The following TEX9 variants were observed in gnomAD, a reference collection of about 807,000 sequenced individuals.
TEX9 encodes the protein testis expressed 9.
TEX9 carries 74 observed loss-of-function variants against 59.6 expected under a neutral mutation model. The ratio of observed to expected loss-of-function variants is 1.24; its 90% CI spans 1.03 to 1.51. TEX9 has a LOEUF of 1.51. TEX9 is among the 40% of genes most tolerant of loss of function. TEX9 has a pLI of 0.00. For synonymous variants in TEX9, 186 were observed against 152.2 expected (o/e 1.22, Z -1.64); for missense variants, 522 against 447.8 (o/e 1.17, Z -1.49).
chr15:56,440,573 T>A lies in TEX9; in HGVS notation c.*30-5098T>A, dbSNP rs140880019. Among the ~76,000 whole-genome samples the A allele has an allele frequency of 4.3e-4, 66 of 152,284 alleles. 1 individual carries two copies. In the East Asian group the frequency reaches 0.012, roughly 27 times the overall value. ...AATATTGGAAGCATTCCAAATGCCC[T>A]TTAATGGGCAAATGGTCAAATAAAA... On this transcript the variant is annotated intron_variant, in intron 12 of 12. Coordinates refer to ENST00000352903, the Ensembl canonical transcript of TEX9.
chr15:56,447,007 A>T (rs1416131668), downstream of TEX9: 2 of 1,095,388 alleles, frequency 1.8e-6, no homozygotes, highest in African/African-American at 3.1e-5. Context: ...ACCTCACAGA[A>T]AACTGAGTAA....
intron 1 of TEX9, among the ~76,000 whole-genome samples, chr15:56,311,730 C>T (rs1330778845): frequency 4.9e-5 from 7 of 143,334 alleles, no homozygotes; most frequent in Non-Finnish European, 7.7e-5. Flanking sequence ...CTGACTTCCA[C>T]AATGGTTGAA....
At chr15:56,407,785 T>A (rs2049150043) in intron 9 of TEX9, among the ~76,000 whole-genome samples, 1 of 152,172 alleles carries the variant, frequency 6.6e-6, no homozygotes, top group Non-Finnish European at 1.5e-5. Context: ...TGACTTTGCT[T>A]CCTTTTTCAT....
intron 9 of TEX9, among the ~76,000 whole-genome samples, chr15:56,406,885 C>T (rs1052349991): frequency 6.6e-6 from 1 of 152,098 alleles, no homozygotes; most frequent in Non-Finnish European, 1.5e-5. Flanking sequence ...TTTATTTTCT[C>T]AACAGTGTGT....
intron 1 of TEX9, among the ~76,000 whole-genome samples, chr15:56,336,566 T>C (rs2046261257): frequency 6.6e-6 from 1 of 152,198 alleles, no homozygotes; most frequent in Non-Finnish European, 1.5e-5. Flanking sequence ...CTATTGTTTA[T>C]ACACCACCCA....
At chr15:56,303,295 C>G (rs1274541248) in intron 1 of TEX9, among the ~76,000 whole-genome samples, 1 of 152,078 alleles carries the variant, frequency 6.6e-6, no homozygotes, top group South Asian at 2.1e-4. Context: ...CAAGGATAGA[C>G]CATATGTTAG....
chr15:56,388,607 G>A, intron 5 of TEX9, 87 bp downstream of exon 5: 7 of 1,108,338 alleles, frequency 6.3e-6, no homozygotes, highest in Non-Finnish European at 9.5e-6. Context: ...AGCAGAGAAG[G>A]GGTATGACTC....
At chr15:56,394,227 G>C (rs1232727765) in exon 8 of TEX9, 1 of 1,606,334 alleles carries the variant, frequency 6.2e-7, no homozygotes, top group African/African-American at 1.3e-5. Flanking sequence ...GGATAATGTT[G>C]TATGTGAATG....
chr15:56,343,534 C>T (rs976954162), intron 1 of TEX9, among the ~76,000 whole-genome samples: 4 of 151,894 alleles, frequency 2.6e-5, no homozygotes, highest in Admixed American at 6.6e-5. Context: ...GGCAAAATTA[C>T]CAATATGAGC....
intron 1 of TEX9, among the ~76,000 whole-genome samples, chr15:56,289,914 C>T (rs1301035714): frequency 6.6e-6 from 1 of 152,198 alleles, no homozygotes; most frequent in African/African-American, 2.4e-5. Context: ...CAGACATGCT[C>T]GGAGTTACAA....
chr15:56,336,337 C>G (rs1418621723), intron 1 of TEX9, among the ~76,000 whole-genome samples: 1 of 152,156 alleles, frequency 6.6e-6, no homozygotes, highest in African/African-American at 2.4e-5. Context: ...AATTAGGTCA[C>G]AAGGGTGGTC....
chr15:56,428,238 A>AATTCC (rs2050414135), intron 11 of TEX9, 129 bp from the exon 12 acceptor site: 1 of 629,564 alleles, frequency 1.6e-6, no homozygotes, highest in Non-Finnish European at 2.8e-6. Flanking sequence ...ATTGGAATTA[A>AATTCC]GAGTATACAT....
At chr15:56,400,377 G>A (rs1596186685) in intron 9 of TEX9, among the ~76,000 whole-genome samples, 14 of 152,258 alleles carry the variant, frequency 9.2e-5, no homozygotes, top group Middle Eastern at 3.4e-3. Flanking sequence ...GTGAAAGAAA[G>A]GGTATTAGGG....
At chr15:56,424,002 A>G (rs1286895391) in intron 10 of TEX9, among the ~76,000 whole-genome samples, 2 of 152,040 alleles carry the variant, frequency 1.3e-5, no homozygotes, top group Non-Finnish European at 2.9e-5. Context: ...TCTTAAATCT[A>G]ATTGGTCTAT....
chr15:56,327,724 G>A (rs2046051533), intron 1 of TEX9, among the ~76,000 whole-genome samples: 1 of 152,142 alleles, frequency 6.6e-6, no homozygotes, highest in Admixed American at 6.5e-5. Flanking sequence ...GCAGAACTTT[G>A]CATTGGAAAC....
chr15:56,404,438 C>A (rs1322661960), intron 9 of TEX9, among the ~76,000 whole-genome samples: 2 of 152,176 alleles, frequency 1.3e-5, no homozygotes, highest in African/African-American at 4.8e-5. Flanking sequence ...AATGAGATAC[C>A]ATTTCACACC....
At chr15:56,267,485 A>G (rs554971652) in intron 1 of TEX9, among the ~76,000 whole-genome samples, 1 of 152,322 alleles carries the variant, frequency 6.6e-6, no homozygotes, top group African/African-American at 2.4e-5. Context: ...TCTTTAATCC[A>G]TCTTGAATTA....
At chr15:56,439,260 A>G (rs1218425645) in intron 12 of TEX9, among the ~76,000 whole-genome samples, 10 of 152,180 alleles carry the variant, frequency 6.6e-5, no homozygotes, top group Non-Finnish European at 1.5e-4. Flanking sequence ...CCTGATGAAA[A>G]AATTCAAAGA....
chr15:56,307,544 C>T (rs1467975933), intron 1 of TEX9, among the ~76,000 whole-genome samples: 1 of 152,142 alleles, frequency 6.6e-6, no homozygotes, highest in Non-Finnish European at 1.5e-5. Context: ...ATTAAATGTC[C>T]AATATTTGCC....
Sources: allele counts gnomAD v4.1 joint callset (sites outside exome capture counted in the v4.1 genomes callset), GRCh38; gene constraint gnomAD v4.1.1; transcripts MANE v1.5; gene names NCBI Gene and HGNC (gene_info 2026-07-23, HGNC 2026-07-21).